Variants in LEMD3 observed in about 807,000 individuals in gnomAD.
LEMD3 encodes LEM domain containing 3.
LEMD3 carries 33 observed loss-of-function variants against 95.2 expected under a neutral mutation model. The ratio of observed to expected loss-of-function variants is 0.35; its 90% CI spans 0.26 to 0.46. LEMD3 has a LOEUF of 0.46. Ranked by LOEUF, LEMD3 falls within the 20% of genes least tolerant of loss-of-function variation. LEMD3 has a pLI of 1.00. For synonymous variants in LEMD3, 525 were observed against 474.6 expected (o/e 1.11, Z -1.38); for missense variants, 1,210 against 1,192.8 (o/e 1.01, Z -0.21).
chr12:65,169,604 C>T lies in LEMD3; in HGVS notation c.8C>T (p.Ala3Val), dbSNP rs772903185. The stretch of plus-strand genomic sequence containing the variant: ...AAACACCCTGGAGAGAAAATGGCGG[C>T]GGCAGCAGCTTCGGCGCCTCAGCAG... MA[A>V]AAASAPQQLS... is the part of the protein sequence containing the mutation. Residue 3 changes from alanine to valine, a missense_variant, in exon 1 of 13, where the codon GCG becomes GTG. Transcript: ENST00000308330. The T allele has an allele frequency of 2.5e-6, 4 of 1,587,648 alleles. No homozygotes were observed. Among genetic ancestry groups the T allele is most frequent in the African/African-American group, 2.7e-5 (2 of 74,652 alleles).
chr12:65,189,712 T>G (rs1239224489), intron 1 of LEMD3, among the ~76,000 whole-genome samples: 2 of 152,222 alleles, frequency 1.3e-5, no homozygotes, highest in Non-Finnish European at 2.9e-5. Context: ...GCAAAATAGG[T>G]CTAGTCTCAT....
chr12:65,240,009 G>T lies in LEMD3; in HGVS notation c.2002G>T (p.Asp668Tyr). The change falls in exon 7 of 13, where the codon GAT (aspartate) becomes TAT (tyrosine). Residue 668 changes from aspartate to tyrosine, a missense_variant. Around this residue, in one of 2 missense-constraint regions of LEMD3, gnomAD observed 461 missense variants for 569.8 expected, o/e 0.81. Transcript: ENST00000308330. ...KEEEETRQMYDMVVKIIDVLR... is the reference protein window; with the variant it reads ...KEEEETRQMYYMVVKIIDVLR... ...AGAGGAGGAAACAAGGCAGATGTAT[G>T]ATATGGTGGTAAAGATTATAGGTAT... is the stretch of plus-strand genomic sequence containing the variant. The T allele has an allele frequency of 6.2e-7, 1 of 1,608,294 alleles. No individual in the cohort carries two copies. Among genetic ancestry groups the T allele is most frequent in the South Asian group, 1.1e-5 (1 of 90,974 alleles).
Position 65,169,844 on chromosome 12 carries a change from C to T in LEMD3, c.248C>T (p.Ala83Val), listed in dbSNP as rs1868455862. The T allele has an allele frequency of 1.4e-6, 2 of 1,458,578 alleles. No individual in the cohort carries two copies. The highest frequency in any genetic ancestry group is 1.8e-6 in the Non-Finnish European group (2 of 1,102,096). 90.4% of individuals were successfully genotyped at this position (1,458,578 alleles called of 1,614,324 possible). A position where few individuals can be genotyped will look rare whatever the true frequency, so the allele number is the denominator to read the frequency against. Residue 83 changes from alanine to valine, a missense_variant, in exon 1 of 13, where the codon GCG becomes GTG. By Grantham distance (64) the Ala-to-Val change is moderately conservative. Coordinates refer to ENST00000308330, the MANE Select transcript of LEMD3 (RefSeq NM_014319.5). ...AATVAAAGPA[A>V]AAAAGMGVRP... is the part of the protein sequence containing the mutation. The stretch of plus-strand genomic sequence containing the variant: ...ACGGTCGCAGCCGCGGGACCAGCGG[C>T]GGCGGCGGCCGCGGGGATGGGGGTC...
chr12:65,243,325 G>T, intron 9 of LEMD3, 63 bp from the exon 10 acceptor site: 1 of 994,090 alleles, frequency 1.0e-6, no homozygotes. Flanking sequence ...TGAACTGAAT[G>T]ATTGAATACC....
intron 8 of LEMD3, 45 bp from the exon 9 acceptor site, chr12:65,240,864 A>G: frequency 1.3e-6 from 2 of 1,544,906 alleles, no homozygotes; most frequent in Non-Finnish European, 1.8e-6. Context: ...CAAAAAGATG[A>G]CAAGCCAAGA....
chr12:65,239,419 G>A (rs539483837), intron 6 of LEMD3, among the ~76,000 whole-genome samples: 21 of 152,108 alleles, frequency 1.4e-4, no homozygotes, highest in Middle Eastern at 3.4e-3. Context: ...ATAGTGGCAC[G>A]TGCCTGTAGT....
At chr12:65,171,187 AG>A in intron 1 of LEMD3, 69 bp downstream of exon 1, 1 of 1,597,022 alleles carries the variant, frequency 6.3e-7, no homozygotes, top group Admixed American at 1.7e-5. Flanking sequence ...AGCCGCGCTT[AG>A]CGTTTTACAT....
At position 65,246,713 on chromosome 12, in the gene LEMD3, G is replaced by A. The variant is rs1334677068; in HGVS notation, c.*388G>A. 4.4e-6 allele frequency: 1 copy of A among 229,686 alleles called. No homozygotes were observed. Among genetic ancestry groups the A allele is most frequent in the East Asian group, 1.2e-4 (1 of 8,504 alleles). The allele number at this position is 229,686 out of a possible 1,614,324, so 14.2% of individuals were successfully genotyped here. A position where few individuals can be genotyped will look rare whatever the true frequency, so the allele number is the denominator to read the frequency against. Reference sequence around the variant, plus strand: ...TTGTGAACTAATGTTGTGAATTTTTGTATACAGTCACCTGCATAGTTCCTA... The same window carrying A: ...TTGTGAACTAATGTTGTGAATTTTTATATACAGTCACCTGCATAGTTCCTA... On this transcript the variant is annotated 3_prime_UTR_variant, in exon 13 of 13. Transcript: ENST00000308330.
At chr12:65,202,464 T>C (rs1869630699) in intron 1 of LEMD3, among the ~76,000 whole-genome samples, 1 of 152,166 alleles carries the variant, frequency 6.6e-6, no homozygotes, top group African/African-American at 2.4e-5. Context: ...TGTAATATAC[T>C]GTTCTTGTTA....
At chr12:65,219,757 C>T (rs1018647763) in intron 4 of LEMD3, among the ~76,000 whole-genome samples, 7 of 152,168 alleles carry the variant, frequency 4.6e-5, no homozygotes, top group Non-Finnish European at 7.3e-5. Flanking sequence ...TACTTTCTTC[C>T]TCCATCAGTG....
intron 9 of LEMD3, 45 bp from the exon 10 acceptor site, chr12:65,243,343 A>G: frequency 8.5e-7 from 1 of 1,177,948 alleles, no homozygotes; most frequent in Non-Finnish European, 1.3e-6. Context: ...ACCTTTCAAC[A>G]AACTAGAACA....
intron 1 of LEMD3, among the ~76,000 whole-genome samples, chr12:65,190,274 C>T (rs999256745): frequency 6.6e-6 from 1 of 152,100 alleles, no homozygotes; most frequent in African/African-American, 2.4e-5. Flanking sequence ...CTAGGGCACC[C>T]TAACATTTAA....
intron 1 of LEMD3, among the ~76,000 whole-genome samples, chr12:65,191,658 C>T (rs1163668102): frequency 1.3e-5 from 2 of 152,066 alleles, no homozygotes; most frequent in African/African-American, 4.8e-5. Flanking sequence ...GGAGGCTGGG[C>T]ATGGTGGCTC....
chr12:65,194,573 C>G (rs187488150), intron 1 of LEMD3, among the ~76,000 whole-genome samples: 289 of 151,518 alleles, frequency 1.9e-3, no homozygotes, highest in Non-Finnish European at 2.9e-3. Context: ...GTTGGTGGTC[C>G]GAAACATAAA....
At chr12:65,199,412 A>G (rs889487793) in intron 1 of LEMD3, among the ~76,000 whole-genome samples, 1 of 152,144 alleles carries the variant, frequency 6.6e-6, no homozygotes, top group Non-Finnish European at 1.5e-5. Flanking sequence ...CCAACTCAAT[A>G]GGTTAAGCAT....
At chr12:65,215,078 T>G (rs1268709440) in intron 2 of LEMD3, among the ~76,000 whole-genome samples, 2 of 152,342 alleles carry the variant, frequency 1.3e-5, no homozygotes, top group Admixed American at 1.3e-4. Flanking sequence ...TCAAACTCTC[T>G]GTCTTGCTAT....
chr12:65,172,582 C>G (rs1022737867), intron 1 of LEMD3, among the ~76,000 whole-genome samples: 2 of 152,028 alleles, frequency 1.3e-5, no homozygotes, highest in African/African-American at 4.8e-5. Context: ...TGTATTGTGT[C>G]CTGCCCCAAA....
At position 65,247,519 on chromosome 12, in the gene LEMD3, T is replaced by C. The variant is rs1468837437; in HGVS notation, c.*1194T>C. On this transcript the variant is annotated 3_prime_UTR_variant, in exon 13 of 13. Coordinates refer to ENST00000308330, the MANE Select transcript of LEMD3 (RefSeq NM_014319.5). ...TTTGTGCCTCAGTATTTAATTTGTT[T>C]CAGTAAACTTACTTTATTACTGTTT... The C allele has an allele frequency of 6.6e-6, 1 of 152,236 alleles. No individual in the cohort carries two copies. Among genetic ancestry groups the C allele is most frequent in the Non-Finnish European group, 1.5e-5 (1 of 68,004 alleles). The allele number at this position is 152,236 out of a possible 1,614,324, so 9.4% of individuals were successfully genotyped here.
At chr12:65,238,936 C>T in intron 6 of LEMD3, 122 bp downstream of exon 6, 1 of 843,822 alleles carries the variant, frequency 1.2e-6, no homozygotes, top group South Asian at 1.4e-5. Context: ...AGCTAGATGT[C>T]TTCACTAAAT....
Sources: allele counts gnomAD v4.1 joint callset (sites outside exome capture counted in the v4.1 genomes callset), GRCh38; gene constraint gnomAD v4.1.1; regional missense constraint gnomAD v4.1.1; transcripts MANE v1.5; gene names NCBI Gene and HGNC (gene_info 2026-07-23, HGNC 2026-07-21).